ASIC5: variants seen among roughly 807,000 people sequenced by gnomAD.
ASIC5 encodes bile acid-sensitive ion channel.
A neutral mutation model predicts 51.2 loss-of-function variants in ASIC5; 52 were observed. The ratio of observed to expected loss-of-function variants is 1.02; its 90% CI spans 0.81 to 1.28. The LOEUF (loss-of-function observed/expected upper bound fraction) is 1.28. Among genes scored for constraint, ASIC5 ranks in the 50% most tolerant of loss-of-function variants. ASIC5 has a pLI of 0.00. For synonymous variants in ASIC5, 231 were observed against 200.7 expected (o/e 1.15, Z -1.28); for missense variants, 635 against 595.0 (o/e 1.07, Z -0.70).
At chr4:155,855,504 T>A (rs1741511851) in intron 2 of ASIC5, among the ~76,000 whole-genome samples, 1 of 152,010 alleles carries the variant, frequency 6.6e-6, no homozygotes, top group African/African-American at 2.4e-5. Flanking sequence ...TGATGAGGAC[T>A]TTCATATTTT....
chr4:155,849,921 C>T (rs932897719), intron 4 of ASIC5, among the ~76,000 whole-genome samples: 5 of 151,628 alleles, frequency 3.3e-5, no homozygotes, highest in Non-Finnish European at 5.9e-5. Context: ...CAGTATTGTT[C>T]TTTTTTTTGC....
In ASIC5 at chr4:155,866,180, T is replaced by C; in HGVS notation, c.40+7A>G. 3 of 1,583,016 alleles carry C rather than the reference T, an allele frequency of 1.9e-6. No individual in the cohort carries two copies. Among genetic ancestry groups the C allele is most frequent in the Non-Finnish European group, 2.6e-6 (3 of 1,152,540 alleles). On this transcript the variant is annotated splice_region_variant and intron_variant, in intron 1 of 9. Transcript: ENST00000537611. ...TTACTGCTCTGAGGAGTTCACTCTTTACTCACCGTTCTCAGCATATACTTT... is the reference window on the plus strand; with the variant it reads ...TTACTGCTCTGAGGAGTTCACTCTTCACTCACCGTTCTCAGCATATACTTT...
intron 5 of ASIC5, among the ~76,000 whole-genome samples, chr4:155,843,209 C>A (rs957738773): frequency 7.2e-5 from 11 of 152,054 alleles, no homozygotes; most frequent in Non-Finnish European, 1.6e-4. Context: ...ACTTAAACTT[C>A]CTTACTATGA....
At chr4:155,852,388 CT>C (rs34119247) in intron 3 of ASIC5, 72 bp from the exon 4 acceptor site, 834 of 1,395,298 alleles carry the variant, frequency 6.0e-4, no homozygotes, top group East Asian at 1.4e-3. Context: ...TTGCCATAAC[CT>C]TTTTTTTTAA....
Position 155,863,704 on chromosome 4 carries a change from G to A in ASIC5, c.91C>T (p.Pro31Ser), listed in dbSNP as rs753614119. 1.9e-6 allele frequency: 3 copies of A among 1,613,878 alleles called. No individual in the cohort carries two copies. Among genetic ancestry groups the A allele is most frequent in the Non-Finnish European group, 2.5e-6 (3 of 1,179,870 alleles). ...LCLSKKPLPS[P>S]TERKKFDHDF... ...TGGTCAAACTTCTTTCGCTCAGTGG[G>A]AGATGGCAGTGGTTTCTTTGAAAGG... Residue 31 changes from proline (P) to serine (S), a missense_variant, in exon 2 of 10, where the codon CCC (proline) becomes TCC (serine). Pro to Ser is a moderately conservative substitution (Grantham distance 74). Coordinates refer to ENST00000537611, the MANE Select transcript of ASIC5 (RefSeq NM_017419.3).
intron 4 of ASIC5, among the ~76,000 whole-genome samples, chr4:155,851,719 C>T (rs924527866): frequency 6.6e-6 from 1 of 152,070 alleles, no homozygotes; most frequent in African/African-American, 2.4e-5. Context: ...TGGGCTTGGA[C>T]AAAATCTATT....
intron 1 of ASIC5, 71 bp downstream of exon 1, chr4:155,866,116 C>T (rs945761045): frequency 7.5e-6 from 7 of 939,140 alleles, no homozygotes; most frequent in South Asian, 1.7e-5. Flanking sequence ...GAAAAAAAAT[C>T]TCTCTTTTCT....
In ASIC5 at chr4:155,863,766, G is replaced by C; in HGVS notation, c.41-12C>G. The C allele has an allele frequency of 6.3e-7, 1 of 1,585,524 alleles. No individual in the cohort carries two copies. Among genetic ancestry groups the C allele is most frequent in the Non-Finnish European group, 8.6e-7 (1 of 1,166,854 alleles). ...CTTTTCTAAGAGTCCTTAAGGTTTTGCCCATAAAATGATTAAACAAAAAAA... is the reference window on the plus strand; with the variant it reads ...CTTTTCTAAGAGTCCTTAAGGTTTTCCCCATAAAATGATTAAACAAAAAAA... On this transcript the variant is annotated splice_polypyrimidine_tract_variant and intron_variant, in intron 1 of 9. Coordinates refer to ENST00000537611, the MANE Select transcript of ASIC5 (RefSeq NM_017419.3).
Position 155,836,829 on chromosome 4 carries a change from T to A in ASIC5, c.1095A>T (p.Thr365=). The A allele has an allele frequency of 1.2e-6, 2 of 1,604,274 alleles. No individual in the cohort carries two copies. The highest frequency in any genetic ancestry group is 1.7e-6 in the Non-Finnish European group (2 of 1,174,066). Reference sequence around the variant, plus strand: ...GGCAGCTAGAGTTATGTGTTCCTACTGTACATAAATCCTTAAATTCAATGT... The same window carrying A: ...GGCAGCTAGAGTTATGTGTTCCTACAGTACATAAATCCTTAAATTCAATGT... ...LDHIEFKDLC[T]VGTHNSSCPV... Residue 365 remains threonine, a synonymous_variant, in exon 8 of 10, where the codon ACA becomes ACT. Transcript: ENST00000537611.
chr4:155,864,830 T>C (rs1345396880), intron 1 of ASIC5: 1 of 152,130 alleles, frequency 6.6e-6, no homozygotes. Context: ...TAGTAAAATA[T>C]TCAGGAATTT....
chr4:155,860,256 ATACTTATG>A (rs1323947374), intron 2 of ASIC5, among the ~76,000 whole-genome samples: 27 of 151,890 alleles, frequency 1.8e-4, no homozygotes, highest in African/African-American at 6.0e-4. Flanking sequence ...ATGATATATA[ATACTTATG>A]TTTGTGATAA....
intron 2 of ASIC5, among the ~76,000 whole-genome samples, chr4:155,858,518 G>C (rs963625101): frequency 6.6e-6 from 1 of 152,084 alleles, no homozygotes; most frequent in African/African-American, 2.4e-5. Flanking sequence ...TAAAGAAAAT[G>C]TCTGAGGGGA....
At chr4:155,852,368 C>T in intron 3 of ASIC5, 52 bp from the exon 4 acceptor site, 1 of 1,546,518 alleles carries the variant, frequency 6.5e-7, no homozygotes. Flanking sequence ...ATTTTTGTCA[C>T]TTCTCAAGTT....
chr4:155,846,884 A>C (rs1319396136), intron 4 of ASIC5, among the ~76,000 whole-genome samples: 1 of 152,102 alleles, frequency 6.6e-6, no homozygotes, highest in Non-Finnish European at 1.5e-5. Flanking sequence ...TTATAAAAAA[A>C]CATAAACAAA....
At chr4:155,839,608 G>T (rs1427513131) in intron 6 of ASIC5, among the ~76,000 whole-genome samples, 2 of 152,044 alleles carry the variant, frequency 1.3e-5, no homozygotes, top group African/African-American at 4.8e-5. Context: ...ACAATGTTTA[G>T]TCAGTAATCT....
intron 9 of ASIC5, among the ~76,000 whole-genome samples, chr4:155,830,974 C>CA (rs1418423609): frequency 6.6e-6 from 1 of 152,210 alleles, no homozygotes; most frequent in Non-Finnish European, 1.5e-5. Context: ...TTCAGGGTCT[C>CA]AGCTGTGATG....
chr4:155,845,518 A>G (rs1243694118), intron 4 of ASIC5, among the ~76,000 whole-genome samples: 1 of 151,438 alleles, frequency 6.6e-6, no homozygotes, highest in Non-Finnish European at 1.5e-5. Context: ...TAGTTAAGAC[A>G]CTCAGAAATA....
chr4:155,854,148 T>C lies in ASIC5; in HGVS notation c.514A>G (p.Asn172Asp). 6.2e-7 allele frequency: 1 copy of C among 1,613,462 alleles called. No individual in the cohort carries two copies. The highest frequency in any genetic ancestry group is 8.5e-7 in the Non-Finnish European group (1 of 1,179,662). Reference sequence around the variant, plus strand: ...CTATTGTTGAGATAAAAACCTTTGTTCCTGATAAATTCCACAATGCTGAAG... The same window carrying C: ...CTATTGTTGAGATAAAAACCTTTGTCCCTGATAAATTCCACAATGCTGAAG... ...QNFSIVEFIRNKGFYLNNSTL... is the reference protein window; with the variant it reads ...QNFSIVEFIRDKGFYLNNSTL... The change falls in exon 3 of 10, where the codon AAC (asparagine) becomes GAC (aspartate). Residue 172 changes from asparagine (N) to aspartate (D), a missense_variant. Coordinates refer to ENST00000537611, the MANE Select transcript of ASIC5 (RefSeq NM_017419.3).
At chr4:155,830,599 C>T (rs1233418606) in intron 9 of ASIC5, among the ~76,000 whole-genome samples, 1 of 152,016 alleles carries the variant, frequency 6.6e-6, no homozygotes, top group South Asian at 2.1e-4. Context: ...TATATATACC[C>T]TAAAATTTAC....
Sources: allele counts gnomAD v4.1 joint callset (sites outside exome capture counted in the v4.1 genomes callset), GRCh38; gene constraint gnomAD v4.1.1; transcripts MANE v1.5; gene names NCBI Gene and HGNC (gene_info 2026-07-23, HGNC 2026-07-21).